Variants in LACTB observed in about 807,000 individuals in gnomAD.
The protein encoded by LACTB is serine beta-lactamase-like protein LACTB, mitochondrial.
Under a neutral mutation model 50.2 loss-of-function variants are expected in LACTB, and 35 were observed. The ratio of observed to expected loss-of-function variants is 0.70; its 90% CI spans 0.53 to 0.92. The LOEUF (loss-of-function observed/expected upper bound fraction) is 0.92. LACTB is among the 40% of genes least tolerant of loss of function. LACTB has a pLI of 0.00. For missense variants in LACTB, 664 were observed against 691.8 expected (o/e 0.96, Z 0.45); for synonymous variants, 252 against 268.2 (o/e 0.94, Z 0.59).
Position 63,121,897 on chromosome 15 carries a change from C to T in LACTB, c.26C>T (p.Thr9Ile). The T allele has an allele frequency of 7.0e-7, 1 of 1,418,712 alleles. No homozygotes were observed. Among genetic ancestry groups the T allele is most frequent in the South Asian group, 1.6e-5 (1 of 63,290 alleles). The allele number at this position is 1,418,712 out of a possible 1,614,324, so 87.9% of individuals were successfully genotyped here. Residue 9 changes from threonine (T) to isoleucine (I), a missense_variant, in exon 1 of 6, where the codon ACT (threonine) becomes ATT (isoleucine). Physicochemically the swap from Thr to Ile is moderately conservative, Grantham distance 89 (BLOSUM62 -1). Coordinates refer to ENST00000261893, the MANE Select transcript of LACTB (RefSeq NM_032857.5). Reference sequence around the variant, plus strand: ...ATGTACCGGCTCATGTCAGCAGTGACTGCCCGGGCTGCCGCCCCCGGGGGC... The same window carrying T: ...ATGTACCGGCTCATGTCAGCAGTGATTGCCCGGGCTGCCGCCCCCGGGGGC... MYRLMSAVTARAAAPGGLA... is the reference protein window; with the variant it reads MYRLMSAVIARAAAPGGLA...
intron 2 of LACTB, 67 bp downstream of exon 2, chr15:63,122,769 G>C: frequency 9.2e-7 from 1 of 1,084,978 alleles, no homozygotes; most frequent in Non-Finnish European, 1.4e-6. Flanking sequence ...TTACTGGTTA[G>C]AGTGGATCCC....
Position 63,121,979 on chromosome 15 carries a change from C to G in LACTB, c.108C>G (p.Leu36=). 1 of 1,369,596 alleles carries G rather than the reference C, an allele frequency of 7.3e-7. No individual in the cohort carries two copies. Among genetic ancestry groups the G allele is most frequent in the Non-Finnish European group, 9.4e-7 (1 of 1,069,398 alleles). The allele number at this position is 1,369,596 out of a possible 1,614,324, so 84.8% of individuals were successfully genotyped here. A position where few individuals can be genotyped will look rare whatever the true frequency, so the allele number is the denominator to read the frequency against. Reference sequence around the variant, plus strand: ...ATCAGCGCGCCGGGCTGCCGCCTCTCGGCCACGGCTGGGTCGGGGGCCTCG... The same window carrying G: ...ATCAGCGCGCCGGGCTGCCGCCTCTGGGCCACGGCTGGGTCGGGGGCCTCG... The part of the protein sequence containing the change: ...GVHQRAGLPP[L]GHGWVGGLGL... The change falls in exon 1 of 6, where the codon CTC becomes CTG. Residue 36 remains leucine, a synonymous_variant. Transcript: ENST00000261893.
At chr15:63,122,546 C>G (rs1006274409) in intron 1 of LACTB, 90 bp from the exon 2 acceptor site, 24 of 1,051,944 alleles carry the variant, frequency 2.3e-5, no homozygotes, top group Non-Finnish European at 3.3e-5. Flanking sequence ...GGCCCAGGCT[C>G]AGGGGGCGGG....
rs887421849 is a variant in LACTB, at chr15:63,141,673, T to C, written c.1512T>C (p.Asp504=). 3.1e-6 allele frequency: 5 copies of C among 1,614,068 alleles called. No individual in the cohort carries two copies. The highest frequency in any genetic ancestry group is 1.1e-5 in the South Asian group (1 of 91,096). Residue 504 remains aspartate, a synonymous_variant, in exon 6 of 6, where the codon GAT becomes GAC. Transcript: ENST00000261893. ...SVLLVLPEEL[D]TETINNKVPP... The stretch of plus-strand genomic sequence containing the variant: ...TGCTGGTCCTTCCTGAAGAACTGGA[T>C]ACAGAGACTATAAATAACAAGGTTC...
intron 5 of LACTB, among the ~76,000 whole-genome samples, chr15:63,139,314 C>A (rs931135309): frequency 6.6e-6 from 1 of 151,300 alleles, no homozygotes; most frequent in Non-Finnish European, 1.5e-5. Context: ...TGAGATTGTG[C>A]TGCTGCACTC....
At chr15:63,129,933 C>A in intron 5 of LACTB, 1 of 233,178 alleles carries the variant, frequency 4.3e-6, no homozygotes, top group Non-Finnish European at 8.1e-6. Context: ...GCTCTTTAAC[C>A]ATTCCTTTTT....
chr15:63,126,737 A>G (rs1202516678), intron 2 of LACTB, 122 bp from the exon 3 acceptor site: 1 of 505,634 alleles, frequency 2.0e-6, no homozygotes, highest in East Asian at 3.2e-5. Context: ...AACTTATAAA[A>G]GTGGAGTATC....
intron 5 of LACTB, 26 bp from the exon 6 acceptor site, chr15:63,141,254 C>A: frequency 6.4e-7 from 1 of 1,558,202 alleles, no homozygotes; most frequent in South Asian, 1.2e-5. Flanking sequence ...TGAAATTTTT[C>A]ATGATCATTT....
chr15:63,140,511 T>G (rs757577212), intron 5 of LACTB, among the ~76,000 whole-genome samples: 6 of 152,204 alleles, frequency 3.9e-5, no homozygotes, highest in Non-Finnish European at 8.8e-5. Flanking sequence ...ATATTATGAC[T>G]TGTACTTTTA....
At chr15:63,134,627 T>C (rs2037159588) in intron 5 of LACTB, among the ~76,000 whole-genome samples, 1 of 152,210 alleles carries the variant, frequency 6.6e-6, no homozygotes, top group Non-Finnish European at 1.5e-5. Context: ...AAAACTTAGC[T>C]GTATGGTCAC....
intron 5 of LACTB, chr15:63,131,224 A>T (rs2037128984): frequency 1.3e-5 from 2 of 152,210 alleles, no homozygotes; most frequent in African/African-American, 4.8e-5. Flanking sequence ...CCCAGGAGGC[A>T]GAGGTTGCAG....
intron 2 of LACTB, among the ~76,000 whole-genome samples, chr15:63,125,175 A>ATT (rs142978160): frequency 0.41 from 53,347 of 129,920 alleles, 11,180 homozygotes; most frequent in Non-Finnish European, 0.52. Context: ...AATTTTATTT[A>ATT]TTTATTTTTT....
intron 5 of LACTB, among the ~76,000 whole-genome samples, chr15:63,139,199 A>C (rs1412794131): frequency 0.028 from 4,142 of 145,876 alleles, 192 homozygotes; most frequent in African/African-American, 0.085. Flanking sequence ...AAATCCAAAA[A>C]AAAAAAAAAA....
chr15:63,137,432 T>C lies in LACTB; in HGVS notation c.1119-3848T>C, dbSNP rs574107561. Among the ~76,000 whole-genome samples, 15 of 152,332 alleles carry C rather than the reference T, an allele frequency of 9.8e-5. No homozygotes were observed. The South Asian group carries it at 3.1e-3, about 32-fold the overall frequency. ...TAGATGGGATGAAAACCAAATAAAA[T>C]GAATATTTTCTGGAGTGTTTGCTGC... On this transcript the variant is annotated intron_variant, in intron 5 of 5. Transcript: ENST00000261893.
rs762440025 is a variant in LACTB at position 63,141,460 on chromosome 15, A to G, written c.1299A>G (p.Gly433=). The change falls in exon 6 of 6, where the codon GGA becomes GGG. Residue 433 remains glycine, a synonymous_variant. Coordinates refer to ENST00000261893, the MANE Select transcript of LACTB (RefSeq NM_032857.5). The part of the protein sequence containing the change: ...FKNSNENLLP[G]YLKPETMVMM... ...ACTCAAATGAAAATCTTTTACCTGG[A>G]TACCTCAAACCAGAAACAATGGTTA... 1.4e-5 allele frequency: 22 copies of G among 1,614,220 alleles called. No homozygotes were observed. Among genetic ancestry groups the G allele is most frequent in the Non-Finnish European group, 1.8e-5 (21 of 1,180,032 alleles).
rs753760490 is a variant in LACTB, at chr15:63,141,635, G to A, written c.1474G>A (p.Ala492Thr). The A allele has an allele frequency of 6.2e-7, 1 of 1,614,180 alleles. No individual in the cohort carries two copies. The highest frequency in any genetic ancestry group is 1.1e-5 in the South Asian group (1 of 91,080). ...YASHTGGAVG[A>T]SSVLLVLPEE... is the part of the protein sequence containing the mutation. Reference sequence around the variant, plus strand: ...TTCACATACTGGAGGGGCAGTGGGTGCCAGTAGTGTCCTGCTGGTCCTTCC... The same window carrying A: ...TTCACATACTGGAGGGGCAGTGGGTACCAGTAGTGTCCTGCTGGTCCTTCC... Residue 492 changes from alanine to threonine, a missense_variant, in exon 6 of 6, where the codon GCC (alanine) becomes ACC (threonine). Coordinates refer to ENST00000261893, the MANE Select transcript of LACTB (RefSeq NM_032857.5).
At chr15:63,122,915 C>T (rs540504232) in intron 2 of LACTB, among the ~76,000 whole-genome samples, 1 of 152,036 alleles carries the variant, frequency 6.6e-6, no homozygotes, top group Non-Finnish European at 1.5e-5. Context: ...GGATGGCTAC[C>T]CACTCCCACT....
intron 5 of LACTB, among the ~76,000 whole-genome samples, chr15:63,136,641 A>T (rs542413385): frequency 2.7e-4 from 41 of 152,208 alleles, no homozygotes; most frequent in Admixed American, 2.0e-4. Context: ...TTTTTGTAAT[A>T]ATTATTTTAA....
chr15:63,131,709 C>T (rs563057642), intron 5 of LACTB, among the ~76,000 whole-genome samples: 7 of 152,184 alleles, frequency 4.6e-5, no homozygotes, highest in Admixed American at 4.6e-4. Context: ...CTTTGGGAGG[C>T]CAAGGCAGGA....
Sources: allele counts gnomAD v4.1 joint callset (sites outside exome capture counted in the v4.1 genomes callset), GRCh38; gene constraint gnomAD v4.1.1; transcripts MANE v1.5; gene names NCBI Gene and HGNC (gene_info 2026-07-23, HGNC 2026-07-21).